ERI1: variants seen among roughly 807,000 people sequenced by gnomAD.
ERI1 encodes the protein exoribonuclease 1, also known as 3'-5' exoribonuclease 1.
A neutral mutation model predicts 39.7 loss-of-function variants in ERI1; 39 were observed. The observed-to-expected ratio is 0.98, with a 90% CI of 0.76 to 1.28. The LOEUF (loss-of-function observed/expected upper bound fraction) is 1.28, where lower values mean the gene tolerates loss of function less well. Ranked by LOEUF, ERI1 falls within the 50% of genes most tolerant of loss-of-function variation. ERI1 has a pLI of 0.00. For missense variants in ERI1, 581 were observed against 416.9 expected (o/e 1.39, Z -3.43); for synonymous variants, 204 against 149.6 (o/e 1.36, Z -2.65).
At chr8:9,088,122 A>G (rs1293201550) in intron 3 of ERI1, among the ~76,000 whole-genome samples, 1 of 152,130 alleles carries the variant, frequency 6.6e-6, no homozygotes, top group Non-Finnish European at 1.5e-5. Context: ...AGGAAAGGAG[A>G]CAAAATCAGC....
intron 3 of ERI1, among the ~76,000 whole-genome samples, chr8:9,013,742 G>T (rs1816928552): frequency 6.6e-6 from 1 of 152,036 alleles, no homozygotes; most frequent in Non-Finnish European, 1.5e-5. Context: ...GTAGCCTGGG[G>T]GATGGCAGCT....
rs907046068 is a variant in ERI1, at chr8:9,030,892, A to T, written c.*858A>T. ...ATCGTAAGTGAGGTTAATAAAGTCA[A>T]TACTTTCTACCATATATTACGTTTT... On this transcript the variant is annotated 3_prime_UTR_variant, in exon 7 of 7. Coordinates refer to ENST00000250263, the MANE Select transcript of ERI1 (RefSeq NM_153332.4). The T allele has an allele frequency of 1.3e-4, 20 of 152,230 alleles. No individual in the cohort carries two copies. Among genetic ancestry groups the T allele is most frequent in the Non-Finnish European group, 2.9e-5 (2 of 68,026 alleles). The allele number at this position is 152,230 out of a possible 1,614,324, so 9.4% of individuals were successfully genotyped here.
chr8:9,003,168 C>T lies in ERI1; in HGVS notation c.105C>T (p.Pro35=). The T allele has an allele frequency of 3.2e-6, 4 of 1,242,998 alleles. No homozygotes were observed. Among genetic ancestry groups the T allele is most frequent in the Non-Finnish European group, 4.0e-6 (4 of 991,618 alleles). 77.0% of individuals were successfully genotyped at this position (1,242,998 alleles called of 1,614,324 possible). A position where few individuals can be genotyped will look rare whatever the true frequency, so the allele number is the denominator to read the frequency against. ...GGGAGGAGCCGCCGCGTCCCAGTCC[C>T]GAGGTGAGGAGTCGACCCGCGCCTG... The part of the protein sequence containing the change: ...EGGEEPPRPS[P]EETQQCKFDG... Residue 35 remains proline, a synonymous_variant, in exon 1 of 7, where the codon CCC becomes CCT. Coordinates refer to ENST00000250263, the MANE Select transcript of ERI1 (RefSeq NM_153332.4).
chr8:9,029,567 G>A (rs901822553), intron 6 of ERI1, among the ~76,000 whole-genome samples: 3 of 152,188 alleles, frequency 2.0e-5, no homozygotes, highest in Non-Finnish European at 4.4e-5. Context: ...CTGACCTCAA[G>A]TGATCTGCCC....
At chr8:9,074,929 C>G (rs1020186285) in intron 3 of ERI1, among the ~76,000 whole-genome samples, 2 of 152,118 alleles carry the variant, frequency 1.3e-5, no homozygotes, top group East Asian at 1.9e-4. Context: ...CAAGAGCAAG[C>G]CTGCCCCCAC....
At chr8:9,040,520 G>C (rs181619499) in intron 3 of ERI1, among the ~76,000 whole-genome samples, 159 of 152,154 alleles carry the variant, frequency 1.0e-3, no homozygotes, top group African/African-American at 3.6e-3. Flanking sequence ...GCTTTTGTTA[G>C]AGGGCTGTAT....
At chr8:9,043,288 GTA>G (rs1354880497) in intron 3 of ERI1, among the ~76,000 whole-genome samples, 1 of 152,180 alleles carries the variant, frequency 6.6e-6, no homozygotes, top group Non-Finnish European at 1.5e-5. Context: ...TGAAACCTGT[GTA>G]TGCAGCACCC....
chr8:9,096,272 C>T (rs1799874957), intron 3 of ERI1, among the ~76,000 whole-genome samples: 3 of 152,172 alleles, frequency 2.0e-5, no homozygotes, highest in Non-Finnish European at 4.4e-5. Flanking sequence ...CTAAGGGTTT[C>T]CTGCTGAGTT....
At position 9,026,645 on chromosome 8, in the gene ERI1, G is replaced by A. The variant is rs142982461; in HGVS notation, c.808-3147G>A. On this transcript the variant is annotated intron_variant, in intron 6 of 6. Coordinates refer to ENST00000250263, the MANE Select transcript of ERI1 (RefSeq NM_153332.4). Reference sequence around the variant, plus strand: ...AATCCAAAAATTCAATATCTGAAATGCTCCAAAAATCTGAAACTTTCTGGG... The same window carrying A: ...AATCCAAAAATTCAATATCTGAAATACTCCAAAAATCTGAAACTTTCTGGG... Among the ~76,000 whole-genome samples the A allele has an allele frequency of 2.1e-3, 322 of 152,198 alleles. 2 individuals are homozygous for A. The highest frequency in any genetic ancestry group is 7.3e-3 in the African/African-American group (304 of 41,518).
chr8:9,069,035 T>C (rs1163110788), intron 3 of ERI1, among the ~76,000 whole-genome samples: 2 of 152,174 alleles, frequency 1.3e-5, no homozygotes, highest in African/African-American at 4.8e-5. Flanking sequence ...CCCAGGCTGG[T>C]CTCGAACTCC....
chr8:9,048,858 C>T (rs1798260826), intron 3 of ERI1, among the ~76,000 whole-genome samples: 1 of 151,894 alleles, frequency 6.6e-6, no homozygotes, highest in Non-Finnish European at 1.5e-5. Context: ...GTTGCCCAGG[C>T]TGGTCTTGAA....
intron 3 of ERI1, among the ~76,000 whole-genome samples, chr8:9,014,777 A>G (rs1464286975): frequency 1.3e-5 from 2 of 152,182 alleles, no homozygotes; most frequent in African/African-American, 4.8e-5. Context: ...GTTAAGTGGA[A>G]TGTTGCAGTG....
At chr8:9,009,767 A>G (rs2117193099) in intron 2 of ERI1, among the ~76,000 whole-genome samples, 1 of 152,266 alleles carries the variant, frequency 6.6e-6, no homozygotes, top group African/African-American at 2.4e-5. Context: ...CTCGAGCTCC[A>G]GCTCAAGTGA....
chr8:9,069,864 G>T (rs985186866), intron 3 of ERI1, among the ~76,000 whole-genome samples: 1 of 152,180 alleles, frequency 6.6e-6, no homozygotes, highest in Non-Finnish European at 1.5e-5. Context: ...TTTAACTATT[G>T]TAAGTCAACA....
rs758835506 is a variant in ERI1 at position 9,015,722 on chromosome 8, CAAAA to C, written c.499-584_499-581del. ...GGGAGACAGAGCGAGACTCTGTCTCCAAAAAAAAAAAAAAAAAAAGAGACCATCG... is the reference window on the plus strand; with the variant it reads ...GGGAGACAGAGCGAGACTCTGTCTCCAAAAAAAAAAAAAAAGAGACCATCG... On this transcript the variant is annotated intron_variant, in intron 3 of 6. Transcript: ENST00000250263. Among the ~76,000 whole-genome samples the C allele has an allele frequency of 7.2e-4, 41 of 56,584 alleles. No individual in the cohort carries two copies. The Middle Eastern group carries it at 0.038, about 53-fold the overall frequency. The allele number at this position is 56,584 out of a possible 152,430, so 37.1% of individuals were successfully genotyped here. A position where few individuals can be genotyped will look rare whatever the true frequency, so the allele number is the denominator to read the frequency against.
chr8:9,038,404 T>A (rs1797917496), intron 3 of ERI1, among the ~76,000 whole-genome samples: 1 of 152,248 alleles, frequency 6.6e-6, no homozygotes, highest in Non-Finnish European at 1.5e-5. Context: ...ACTCTGTATT[T>A]TTCTGCCTGA....
At chr8:9,014,590 A>C (rs905847066) in intron 3 of ERI1, among the ~76,000 whole-genome samples, 2 of 152,234 alleles carry the variant, frequency 1.3e-5, no homozygotes, top group African/African-American at 4.8e-5. Context: ...AGTTCTCTCT[A>C]GCATTCTTCT....
intron 3 of ERI1, among the ~76,000 whole-genome samples, chr8:9,013,974 G>A (rs1563316093): frequency 6.6e-6 from 1 of 152,130 alleles, no homozygotes. Context: ...TTGTGTTTCT[G>A]TCTGTGTCCG....
intron 3 of ERI1, among the ~76,000 whole-genome samples, chr8:9,062,178 C>T (rs1340787920): frequency 6.6e-6 from 1 of 151,890 alleles, no homozygotes. Flanking sequence ...TGCTGTGGGA[C>T]AGGATATTGG....
Sources: gnomAD v4.1 joint callset for allele counts (sites outside exome capture counted in the v4.1 genomes callset) on GRCh38, gnomAD v4.1.1 for gene constraint, MANE v1.5 for transcripts, NCBI Gene and HGNC (gene_info 2026-07-23, HGNC 2026-07-21) for gene names.